ATM: variants seen among roughly 807,000 people sequenced by gnomAD.
ATM encodes ATM serine/threonine kinase.
A neutral mutation model predicts 387.0 loss-of-function variants in ATM; 308 were observed. The ratio of observed to expected loss-of-function variants is 0.80; its 90% CI spans 0.73 to 0.87. ATM has a LOEUF of 0.87. Among genes scored for constraint, ATM ranks in the 40% least tolerant of loss-of-function variants. ATM has a pLI of 0.00. For missense variants in ATM, 3,312 were observed against 3,560.9 expected (o/e 0.93, Z 1.78); for synonymous variants, 1,156 against 1,187.3 (o/e 0.97, Z 0.54).
Position 108,272,720 on chromosome 11 carries a change from A to G in ATM, c.3154-2A>G, listed in dbSNP as rs730881357. The G allele has an allele frequency of 1.2e-6, 2 of 1,613,828 alleles. No homozygotes were observed. Among genetic ancestry groups the G allele is most frequent in the Non-Finnish European group, 1.7e-6 (2 of 1,179,936 alleles). On this transcript the variant is annotated splice_acceptor_variant, in intron 21 of 62. Transcript: ENST00000675843. LOFTEE classifies it high-confidence loss of function. Reference sequence around the variant, plus strand: ...TATTTAACCACAGTTCTTTTCCCGTAGGCTGATCCTTATTCAAAATGGGCC... The same window carrying G: ...TATTTAACCACAGTTCTTTTCCCGTGGGCTGATCCTTATTCAAAATGGGCC...
chr11:108,306,729 A>G (rs962150724), intron 37 of ATM, among the ~76,000 whole-genome samples: 14 of 152,248 alleles, frequency 9.2e-5, no homozygotes, highest in Non-Finnish European at 2.1e-4. Flanking sequence ...TCTGATGGCT[A>G]TAAGCCTCAT....
In ATM at chr11:108,257,511, A is replaced by T. The variant is rs2235011; in HGVS notation, c.2281A>T (p.Thr761Ser). 64 of 1,613,674 alleles carry T rather than the reference A, an allele frequency of 4.0e-5. No homozygotes were observed. The African/African-American group carries it at 7.3e-4, about 18-fold the overall frequency. ...AATGCAATGTGCAGGAGAAAGTATCACTCTGTTTAAAAATAAGACAAATGA... is the reference window on the plus strand; with the variant it reads ...AATGCAATGTGCAGGAGAAAGTATCTCTCTGTTTAAAAATAAGACAAATGA... ...SLMQCAGESI[T>S]LFKNKTNEEF... The change falls in exon 15 of 63, where the codon ACT becomes TCT. Residue 761 changes from threonine to serine, a missense_variant. Physicochemically the swap from Thr to Ser is moderately conservative, Grantham distance 58. Transcript: ENST00000675843.
At chr11:108,360,272 A>C (rs1317183236) in intron 61 of ATM, among the ~76,000 whole-genome samples, 1 of 105,702 alleles carries the variant, frequency 9.5e-6, no homozygotes, top group Non-Finnish European at 2.2e-5. Context: ...TGAATAGACC[A>C]GTAACAGGAG....
intron 18 of ATM, among the ~76,000 whole-genome samples, chr11:108,269,484 A>G (rs2081454027): frequency 6.6e-6 from 1 of 152,190 alleles, no homozygotes; most frequent in African/African-American, 2.4e-5. Context: ...TTTTCTGTCC[A>G]AATTTATAAA....
chr11:108,236,241 A>C, intron 5 of ATM: 1 of 249,832 alleles, frequency 4.0e-6, no homozygotes, highest in South Asian at 4.4e-5. Flanking sequence ...AAGAGAGGGA[A>C]GTACCATAAA....
rs876658925 is a variant in ATM, at chr11:108,331,913, A to G, written c.7664A>G (p.His2555Arg). 7.4e-6 allele frequency: 12 copies of G among 1,613,862 alleles called. No homozygotes were observed. Among genetic ancestry groups the G allele is most frequent in the African/African-American group, 1.3e-5 (1 of 74,930 alleles). Residue 2555 changes from histidine to arginine, a missense_variant, in exon 52 of 63, where the codon CAC becomes CGC. Transcript: ENST00000675843. ...ISRISMDHPH[H>R]TLFIILALAN... Reference sequence around the variant, plus strand: ...AGAATTTCAATGGATCACCCCCATCACACTTTGTTTATTATACTGGCCTTA... The same window carrying G: ...AGAATTTCAATGGATCACCCCCATCGCACTTTGTTTATTATACTGGCCTTA...
Position 108,268,603 on chromosome 11 carries a change from G to C in ATM, c.2832G>C (p.Leu944=), listed in dbSNP as rs2135527476. The change falls in exon 18 of 63, where the codon CTG becomes CTC. Residue 944 remains leucine, a synonymous_variant. Coordinates refer to ENST00000675843, the MANE Select transcript of ATM (RefSeq NM_000051.4). ...TAGAACCTACCAAATCCCTCCACCTGCATATGGTGAGTTACGTTAAATGAA... is the reference window on the plus strand; with the variant it reads ...TAGAACCTACCAAATCCCTCCACCTCCATATGGTGAGTTACGTTAAATGAA... The part of the protein sequence containing the change: ...STLEPTKSLH[L]HMYLMLLKEL... 4 of 1,613,702 alleles carry C rather than the reference G, an allele frequency of 2.5e-6. No individual in the cohort carries two copies. In the South Asian group the frequency reaches 4.4e-5, roughly 18 times the overall value.
intron 58 of ATM, among the ~76,000 whole-genome samples, chr11:108,346,322 T>G (rs172896): frequency 0.54 from 81,668 of 151,686 alleles, 22,555 homozygotes; most frequent in Middle Eastern, 0.74. Context: ...GATTAATACT[T>G]TTTAATAGAA....
Position 108,256,309 on chromosome 11 carries a change from C to T in ATM, c.2219C>T (p.Ala740Val), listed in dbSNP as rs765475495. The T allele has an allele frequency of 6.2e-7, 1 of 1,611,038 alleles. No individual in the cohort carries two copies. Among genetic ancestry groups the T allele is most frequent in the Admixed American group, 1.7e-5 (1 of 59,974 alleles). The change falls in exon 14 of 63, where the codon GCA becomes GTA. Residue 740 changes from alanine to valine, a missense_variant. Transcript: ENST00000675843. ...CYMGVIAEEE[A>V]YKSELFQKAK... ...ATGGGTGTAATAGCTGAAGAGGAAG[C>T]ATATAAGTCAGAATTATTCCAGAAA...
chr11:108,260,806 G>A (rs933256248), intron 16 of ATM, among the ~76,000 whole-genome samples: 4 of 152,218 alleles, frequency 2.6e-5, no homozygotes, highest in Non-Finnish European at 4.4e-5. Context: ...GCCGAAGCAG[G>A]GCGAGGCATT....
In ATM at chr11:108,289,606, C is replaced by A. The variant is rs876659292; in HGVS notation, c.4241C>A (p.Ser1414Tyr). The A allele has an allele frequency of 1.2e-6, 2 of 1,602,568 alleles. No individual in the cohort carries two copies. The highest frequency in any genetic ancestry group is 1.1e-5 in the South Asian group (1 of 89,258). The part of the protein sequence containing the change: ...ILEILSKSPD[S>Y]YQKILLAICE... ...CTAAATCTGTTTATTTTCTAGGATT[C>A]CTATCAGAAAATTCTTCTTGCCATA... Residue 1414 changes from serine to tyrosine, a missense_variant, in exon 29 of 63, where the codon TCC (serine) becomes TAC (tyrosine). By Grantham distance (144) the Ser-to-Tyr change is moderately radical. Coordinates refer to ENST00000675843, the MANE Select transcript of ATM (RefSeq NM_000051.4).
intron 26 of ATM, among the ~76,000 whole-genome samples, chr11:108,285,467 A>G (rs987762218): frequency 6.6e-6 from 1 of 152,180 alleles, no homozygotes; most frequent in Non-Finnish European, 1.5e-5. Flanking sequence ...TTTTTGAAGC[A>G]ACTTATATTA....
chr11:108,338,513 G>T (rs2087109548), intron 56 of ATM, among the ~76,000 whole-genome samples: 1 of 152,088 alleles, frequency 6.6e-6, no homozygotes, highest in African/African-American at 2.4e-5. Context: ...AATTTAGCCA[G>T]GCATGATGGC....
chr11:108,276,799 C>T (rs1385311807), intron 22 of ATM, among the ~76,000 whole-genome samples: 3 of 152,124 alleles, frequency 2.0e-5, no homozygotes, highest in Admixed American at 6.5e-5. Context: ...AGGTGTCTGT[C>T]GACCCCTGCT....
At chr11:108,272,491 C>T (rs371068589) in intron 20 of ATM, 41 bp from the exon 21 acceptor site, 3 of 1,505,414 alleles carry the variant, frequency 2.0e-6, no homozygotes, top group Non-Finnish European at 2.8e-6. Context: ...GTGCTTTTAT[C>T]AGAATGATTA....
At chr11:108,360,093 A>T (rs1446521369) in intron 61 of ATM, among the ~76,000 whole-genome samples, 1 of 151,774 alleles carries the variant, frequency 6.6e-6, no homozygotes, top group Non-Finnish European at 1.5e-5. Flanking sequence ...AATAGACACA[A>T]TAAAAAATGA....
chr11:108,268,493 G>A lies in ATM; in HGVS notation c.2722G>A (p.Val908Ile), dbSNP rs1190648236. Residue 908 changes from valine to isoleucine, a missense_variant, in exon 18 of 63, where the codon GTA (valine) becomes ATA (isoleucine). Transcript: ENST00000675843. ...CATGCTCAAGTTCTTGTGTTTGTGT[G>A]TAACTACTGCTCAGACCAATACTGT... is the stretch of plus-strand genomic sequence containing the variant. Reference protein sequence around the residue: ...LDMLKFLCLCVTTAQTNTVSF... With the variant: ...LDMLKFLCLCITTAQTNTVSF... 1.9e-6 allele frequency: 3 copies of A among 1,614,052 alleles called. No homozygotes were observed. Among genetic ancestry groups the A allele is most frequent in the African/African-American group, 1.3e-5 (1 of 75,036 alleles).
At position 108,303,003 on chromosome 11, in the gene ATM, C is replaced by T. The variant is rs764784077; in HGVS notation, c.5470C>T (p.Leu1824Phe). 7 of 1,613,026 alleles carry T rather than the reference C, an allele frequency of 4.3e-6. No homozygotes were observed. In the Admixed American group the frequency reaches 1.2e-4, roughly 27 times the overall value. ...LDSGGTKCEILQLLKPMCEVK... is the reference protein window; with the variant it reads ...LDSGGTKCEIFQLLKPMCEVK... Reference sequence around the variant, plus strand: ...CAGTGGAGGCACAAAATGTGAAATTCTTCAATTATTAAAGCCAATGTGTGA... The same window carrying T: ...CAGTGGAGGCACAAAATGTGAAATTTTTCAATTATTAAAGCCAATGTGTGA... The change falls in exon 36 of 63, where the codon CTT (leucine) becomes TTT (phenylalanine). Residue 1824 changes from leucine to phenylalanine, a missense_variant. By Grantham distance (22) the Leu-to-Phe change is conservative (BLOSUM62 0). This residue lies in a region of ATM where 1,405 missense variants were observed against 1,604.4 expected (regional missense o/e 0.88). Coordinates refer to ENST00000675843, the MANE Select transcript of ATM (RefSeq NM_000051.4).
intron 16 of ATM, among the ~76,000 whole-genome samples, chr11:108,265,166 C>T (rs2081153173): frequency 6.6e-6 from 1 of 151,652 alleles, no homozygotes; most frequent in South Asian, 2.1e-4. Flanking sequence ...AAAGAGCCCG[C>T]ATCGGCAAGT....
Sources: gnomAD v4.1 joint callset for allele counts (sites outside exome capture counted in the v4.1 genomes callset) on GRCh38, gnomAD v4.1.1 for gene constraint, gnomAD v4.1.1 regional missense constraint, MANE v1.5 for transcripts, NCBI Gene and HGNC (gene_info 2026-07-23, HGNC 2026-07-21) for gene names.